The following DTL variants were observed in gnomAD, a reference collection of about 807,000 sequenced individuals.
DTL encodes denticleless E3 ubiquitin protein ligase adapter.
In DTL, 46 loss-of-function variants were observed where a neutral mutation model predicts 87.0. The ratio of observed to expected loss-of-function variants is 0.53; its 90% CI spans 0.42 to 0.68. The LOEUF (loss-of-function observed/expected upper bound fraction) is 0.68. Ranked by LOEUF, DTL falls within the 30% of genes least tolerant of loss-of-function variation. The pLI, the probability that DTL is intolerant of heterozygous loss-of-function variation, is 0.00. For synonymous variants in DTL, 308 were observed against 311.2 expected (o/e 0.99, Z 0.11); for missense variants, 737 against 869.4 (o/e 0.85, Z 1.91).
intron 13 of DTL, among the ~76,000 whole-genome samples, chr1:212,089,847 C>T (rs1655232859): frequency 1.3e-5 from 2 of 152,152 alleles, no homozygotes; most frequent in Admixed American, 6.5e-5. Flanking sequence ...TGGTTTGTCC[C>T]TGTCCCAGCT....
intron 6 of DTL, among the ~76,000 whole-genome samples, chr1:212,063,999 TCTC>T (rs1439883154): frequency 5.3e-5 from 8 of 151,630 alleles, no homozygotes; most frequent in African/African-American, 1.7e-4. Flanking sequence ...TTCAAGTAAT[TCTC>T]CTACCTCAGC....
intron 6 of DTL, among the ~76,000 whole-genome samples, chr1:212,063,988 G>T (rs769923073): frequency 6.6e-6 from 1 of 151,406 alleles, no homozygotes; most frequent in Admixed American, 6.6e-5. Flanking sequence ...CGCCTCCTGG[G>T]TTCAAGTAAT....
rs559280077 is a variant in DTL, at chr1:212,088,979, G to A, written c.1261+8229G>A. ...CACACGCCTGTAATCCCAGCTACTC[G>A]GGAGGCTGAGGCAGGAGAATTGTTT... On this transcript the variant is annotated intron_variant, in intron 13 of 14. Transcript: ENST00000366991. Among the ~76,000 whole-genome samples the A allele has an allele frequency of 4.1e-4, 62 of 152,138 alleles. 1 individual carries two copies. The South Asian group carries it at 0.012, about 30-fold the overall frequency.
At chr1:212,067,473 CTTT>C (rs953218575) in intron 8 of DTL, among the ~76,000 whole-genome samples, 2 of 152,062 alleles carry the variant, frequency 1.3e-5, no homozygotes, top group African/African-American at 4.8e-5. Context: ...GAGACTCTTT[CTTT>C]TTAAGTTTCC....
intron 11 of DTL, chr1:212,077,576 T>C (rs540778228): frequency 1.3e-5 from 2 of 153,258 alleles, no homozygotes; most frequent in East Asian, 3.9e-4. Context: ...CAACTCAAAA[T>C]GAAGGAGTAT....
chr1:212,045,447 A>G (rs1667780247), intron 3 of DTL, among the ~76,000 whole-genome samples: 1 of 152,234 alleles, frequency 6.6e-6, no homozygotes, highest in African/African-American at 2.4e-5. Flanking sequence ...GTGTTGCTTT[A>G]AAATACTTAT....
chr1:212,099,064 C>T (rs1655533949), intron 13 of DTL, among the ~76,000 whole-genome samples: 1 of 152,186 alleles, frequency 6.6e-6, no homozygotes, highest in Non-Finnish European at 1.5e-5. Flanking sequence ...AATGGTTTCC[C>T]TGGGGACCAG....
At chr1:212,059,244 C>T (rs957947460) in intron 5 of DTL, among the ~76,000 whole-genome samples, 2 of 151,194 alleles carry the variant, frequency 1.3e-5, no homozygotes, top group Non-Finnish European at 3.0e-5. Context: ...ACAGAACATA[C>T]GGACATAGAT....
intron 13 of DTL, among the ~76,000 whole-genome samples, chr1:212,082,082 A>G (rs1167242124): frequency 6.6e-6 from 1 of 152,238 alleles, no homozygotes; most frequent in Non-Finnish European, 1.5e-5. Flanking sequence ...CTGAGCAGCC[A>G]CAACCAGAGA....
intron 6 of DTL, 37 bp from the exon 7 acceptor site, chr1:212,064,880 A>G: frequency 6.6e-7 from 1 of 1,513,012 alleles, no homozygotes; most frequent in African/African-American, 1.4e-5. Context: ...AGCATGTAAG[A>G]ATCCTGAAAC....
chr1:212,053,048 T>A (rs1176883632), intron 5 of DTL, among the ~76,000 whole-genome samples: 2 of 152,236 alleles, frequency 1.3e-5, no homozygotes, highest in Admixed American at 1.3e-4. Context: ...TTGCCCATTA[T>A]ACACATGCAT....
chr1:212,066,971 T>C (rs1654525309), intron 8 of DTL, 86 bp downstream of exon 8: 2 of 1,139,948 alleles, frequency 1.8e-6, no homozygotes, highest in East Asian at 2.4e-5. Context: ...TATAATTGAA[T>C]GTGTGTGCTT....
intron 13 of DTL, among the ~76,000 whole-genome samples, chr1:212,088,742 A>G (rs1426195220): frequency 6.6e-6 from 1 of 152,258 alleles, no homozygotes; most frequent in African/African-American, 2.4e-5. Flanking sequence ...AGAATAGCAA[A>G]GTACATGATA....
intron 3 of DTL, 124 bp downstream of exon 3, chr1:212,044,882 C>A: frequency 1.6e-6 from 1 of 617,026 alleles, no homozygotes; most frequent in Non-Finnish European, 2.9e-6. Context: ...ATAACTGAGA[C>A]TGGGTAGTTT....
intron 10 of DTL, among the ~76,000 whole-genome samples, chr1:212,069,629 T>A (rs999951636): frequency 6.6e-6 from 1 of 151,900 alleles, no homozygotes; most frequent in Non-Finnish European, 1.5e-5. Context: ...CACTGCACCC[T>A]CCGCCTCCTG....
intron 5 of DTL, among the ~76,000 whole-genome samples, chr1:212,058,366 A>T (rs1668242923): frequency 6.6e-6 from 1 of 152,216 alleles, no homozygotes; most frequent in Admixed American, 6.5e-5. Flanking sequence ...TTCTCAGACC[A>T]CAATGGAATA....
intron 13 of DTL, among the ~76,000 whole-genome samples, chr1:212,096,581 C>G (rs1468059726): frequency 6.6e-6 from 1 of 152,066 alleles, no homozygotes; most frequent in African/African-American, 2.4e-5. Context: ...TCACTTTTTT[C>G]ATTCAGTTCA....
intron 13 of DTL, among the ~76,000 whole-genome samples, chr1:212,088,104 A>G (rs1571977545): frequency 1.3e-5 from 2 of 152,172 alleles, no homozygotes; most frequent in Non-Finnish European, 2.9e-5. Flanking sequence ...GATTGATTCA[A>G]TGGGACTGGA....
rs537515490 is a variant in DTL, at chr1:212,093,134, C to T, written c.1262-7118C>T. Reference sequence around the variant, plus strand: ...GCTGATTTTAAAACTGGAAAAGTTCCCTTGTCCCCCTTGCAGGGCGTGCGA... The same window carrying T: ...GCTGATTTTAAAACTGGAAAAGTTCTCTTGTCCCCCTTGCAGGGCGTGCGA... On this transcript the variant is annotated intron_variant, in intron 13 of 14. Transcript: ENST00000366991. Among the ~76,000 whole-genome samples, 9 of 152,048 alleles carry T rather than the reference C, an allele frequency of 5.9e-5. No individual in the cohort carries two copies. In the East Asian group the frequency reaches 1.5e-3, roughly 26 times the overall value.
Sources: allele counts gnomAD v4.1 joint callset (sites outside exome capture counted in the v4.1 genomes callset), GRCh38; gene constraint gnomAD v4.1.1; transcripts MANE v1.5; gene names NCBI Gene and HGNC (gene_info 2026-07-23, HGNC 2026-07-21).